Variants in FRMD3 observed in about 807,000 individuals in gnomAD.
FRMD3 encodes FERM domain-containing protein 3.
A neutral mutation model predicts 70.2 loss-of-function variants in FRMD3; 33 were observed. That is an observed-to-expected ratio of 0.47 (90% CI 0.36 to 0.63). The LOEUF is 0.63. Ranked by LOEUF, FRMD3 falls within the 20% of genes least tolerant of loss-of-function variation. FRMD3 has a pLI of 0.00. For synonymous variants in FRMD3, 279 were observed against 255.9 expected (o/e 1.09, Z -0.86); for missense variants, 632 against 711.4 (o/e 0.89, Z 1.27).
rs149674136 is a variant in FRMD3 at position 83,528,526 on chromosome 9, C to T, written c.147+9559G>A. 4.3e-4 allele frequency among the ~76,000 whole-genome samples: 66 copies of T among 151,834 alleles called. No homozygotes were observed. The East Asian group carries it at 7.5e-3, about 17-fold the overall frequency. On this transcript the variant is annotated intron_variant, in intron 1 of 13. Transcript: ENST00000304195. The stretch of plus-strand genomic sequence containing the variant: ...AGGAAGTTCAGTAAATGGACAGTCA[C>T]CTAAACCAGCAATTTTTTTTTTTGA...
chr9:83,575,453 G>C, the FRMD3 span, among the ~76,000 whole-genome samples: 1 of 152,132 alleles, frequency 6.6e-6, no homozygotes, highest in Non-Finnish European at 1.5e-5. Context: ...TGGAGGAAAA[G>C]CAGCTCTTTC....
intron 1 of FRMD3, among the ~76,000 whole-genome samples, chr9:83,419,549 ATG>A (rs909370461): frequency 7.9e-5 from 11 of 139,300 alleles, no homozygotes; most frequent in African/African-American, 2.0e-4. Context: ...AGTGTGTGAT[ATG>A]TGTGTGTTCA....
chr9:83,424,760 A>G (rs10868006), intron 1 of FRMD3, among the ~76,000 whole-genome samples: 41,814 of 152,134 alleles, frequency 0.27, 6,614 homozygotes, highest in African/African-American at 0.42. Context: ...TATATCTGTG[A>G]TGTACATAAC....
At position 83,267,276 on chromosome 9, in the gene FRMD3, A is replaced by G. The variant is rs940575358; in HGVS notation, c.1196-18760T>C. On this transcript the variant is annotated intron_variant, in intron 13 of 13. Coordinates refer to ENST00000304195, the MANE Select transcript of FRMD3 (RefSeq NM_174938.6). Reference sequence around the variant, plus strand: ...ATGTCAGGTTCCTAATGCGGCCAACAGAAATAACTCATGAGGGATCAGCAT... The same window carrying G: ...ATGTCAGGTTCCTAATGCGGCCAACGGAAATAACTCATGAGGGATCAGCAT... 3 of 1,487,004 alleles carry G rather than the reference A, an allele frequency of 2.0e-6. No homozygotes were observed. In the African/African-American group the frequency reaches 4.2e-5, roughly 21 times the overall value. 92.1% of individuals were successfully genotyped at this position (1,487,004 alleles called of 1,614,324 possible). A position where few individuals can be genotyped will look rare whatever the true frequency, so the allele number is the denominator to read the frequency against.
chr9:83,312,061 C>T, intron 7 of FRMD3, 86 bp from the exon 8 acceptor site: 4 of 1,010,338 alleles, frequency 4.0e-6, no homozygotes, highest in Admixed American at 2.7e-5. Context: ...TATTCATCCT[C>T]ACCCTAGGTT....
intron 1 of FRMD3, among the ~76,000 whole-genome samples, chr9:83,485,426 C>T (rs3860932): frequency 0.49 from 73,809 of 152,046 alleles, 18,114 homozygotes; most frequent in Middle Eastern, 0.53. Flanking sequence ...TTTCCTGCTG[C>T]ATAGCACTTA....
chr9:83,479,721 AAAAGAAAGG>A (rs1828509692), intron 1 of FRMD3, among the ~76,000 whole-genome samples: 4 of 62,994 alleles, frequency 6.3e-5, no homozygotes, highest in Non-Finnish European at 1.2e-4. Flanking sequence ...AGAAAGAAAG[AAAAGAAAGG>A]GAAAGAAAGA....
chr9:83,433,331 C>T (rs1444110204), intron 1 of FRMD3, among the ~76,000 whole-genome samples: 1 of 152,144 alleles, frequency 6.6e-6, no homozygotes. Context: ...GGGATCATAA[C>T]GGAAGCAGGA....
chr9:83,336,525 T>C (rs889781269), intron 5 of FRMD3, among the ~76,000 whole-genome samples: 1 of 150,842 alleles, frequency 6.6e-6, no homozygotes, highest in Admixed American at 6.6e-5. Context: ...GCTTATTCAT[T>C]GAAAAATCAC....
At chr9:83,401,312 C>T (rs905875366) in intron 1 of FRMD3, among the ~76,000 whole-genome samples, 2 of 152,132 alleles carry the variant, frequency 1.3e-5, no homozygotes, top group African/African-American at 2.4e-5. Context: ...TAACCGTTAG[C>T]GAGCAGTACA....
chr9:83,344,235 G>A (rs562884439), intron 4 of FRMD3, among the ~76,000 whole-genome samples: 1 of 152,314 alleles, frequency 6.6e-6, no homozygotes, highest in South Asian at 2.1e-4. Context: ...ACAGATGTGT[G>A]CAGATTCTTT....
intron 1 of FRMD3, among the ~76,000 whole-genome samples, chr9:83,492,516 C>A (rs1828850557): frequency 6.6e-6 from 1 of 152,204 alleles, no homozygotes; most frequent in Non-Finnish European, 1.5e-5. Context: ...CCTTTCCGCC[C>A]GTGCTCCCCT....
chr9:83,453,940 C>T (rs1039679331), intron 1 of FRMD3, among the ~76,000 whole-genome samples: 19 of 152,018 alleles, frequency 1.2e-4, no homozygotes, highest in African/African-American at 4.6e-4. Flanking sequence ...TGGTCTCGAT[C>T]TCCTGACCTC....
At chr9:83,550,308 C>G in the FRMD3 span, among the ~76,000 whole-genome samples, 1 of 152,062 alleles carries the variant, frequency 6.6e-6, no homozygotes, top group South Asian at 2.1e-4. Context: ...GGTCTATGTC[C>G]CTGTTTTTAT....
At chr9:83,474,313 T>C (rs1828342221) in intron 1 of FRMD3, among the ~76,000 whole-genome samples, 1 of 152,206 alleles carries the variant, frequency 6.6e-6, no homozygotes. Context: ...TCCTGAGTTA[T>C]TGTCTCTATC....
intron 6 of FRMD3, among the ~76,000 whole-genome samples, chr9:83,323,505 G>A (rs1363721101): frequency 6.6e-6 from 1 of 152,182 alleles, no homozygotes; most frequent in Non-Finnish European, 1.5e-5. Context: ...TTGATTTCGT[G>A]AGGGTTTTGC....
chr9:83,306,905 G>A (rs887854356), intron 10 of FRMD3, among the ~76,000 whole-genome samples: 2 of 152,020 alleles, frequency 1.3e-5, no homozygotes, highest in African/African-American at 2.4e-5. Context: ...TAGAAATGAT[G>A]GTTGGACAAC....
In FRMD3 at chr9:83,503,771, C is replaced by T. The variant is rs1829123666; in HGVS notation, c.147+34314G>A. 2.0e-5 allele frequency among the ~76,000 whole-genome samples: 3 copies of T among 152,336 alleles called. No homozygotes were observed. The South Asian group carries it at 6.2e-4, about 32-fold the overall frequency. ...ATCAGAAGGGCCAACACTCCAGGGC[C>T]ACATCTCCACCAGCCAAGTGGGCCA... On this transcript the variant is annotated intron_variant, in intron 1 of 13. Coordinates refer to ENST00000304195, the MANE Select transcript of FRMD3 (RefSeq NM_174938.6).
At chr9:83,335,044 C>T (rs1447812917) in intron 6 of FRMD3, among the ~76,000 whole-genome samples, 2 of 152,088 alleles carry the variant, frequency 1.3e-5, no homozygotes, top group African/African-American at 2.4e-5. Context: ...ATTGAAGCAT[C>T]GCAGGTGAGA....
Sources: gnomAD v4.1 joint callset for allele counts (sites outside exome capture counted in the v4.1 genomes callset) on GRCh38, gnomAD v4.1.1 for gene constraint, MANE v1.5 for transcripts, NCBI Gene and HGNC (gene_info 2026-07-23, HGNC 2026-07-21) for gene names.